Variants in ADAM29 observed in about 807,000 individuals in gnomAD.
ADAM29 encodes ADAM metallopeptidase domain 29.
For synonymous variants in ADAM29, 367 were observed against 342.3 expected (o/e 1.07, Z -0.80); for missense variants, 969 against 1,001.8 (o/e 0.97, Z 0.44).
At chr4:174,928,434 T>G (rs186769923) in intron 2 of ADAM29, among the ~76,000 whole-genome samples, 1 of 149,998 alleles carries the variant, frequency 6.7e-6, no homozygotes, top group South Asian at 2.1e-4. Context: ...TGAAGGGGGG[T>G]TTGTCTTTAG....
chr4:174,968,530 T>G (rs971418736), intron 4 of ADAM29, among the ~76,000 whole-genome samples: 5 of 152,178 alleles, frequency 3.3e-5, no homozygotes, highest in Non-Finnish European at 7.3e-5. Flanking sequence ...GTGTGCATGT[T>G]TTTTGTTTTC....
intron 4 of ADAM29, among the ~76,000 whole-genome samples, chr4:174,971,626 A>C (rs1746483050): frequency 6.6e-6 from 1 of 152,132 alleles, no homozygotes; most frequent in Non-Finnish European, 1.5e-5. Flanking sequence ...TTTATCTCAA[A>C]ATACACTTTG....
chr4:174,950,243 C>G (rs1579046624), intron 4 of ADAM29, among the ~76,000 whole-genome samples: 1 of 152,282 alleles, frequency 6.6e-6, no homozygotes, highest in Admixed American at 6.5e-5. Context: ...CAATCCCATT[C>G]TTTATAGGTA....
At chr4:174,962,120 A>G (rs1745855961) in intron 4 of ADAM29, among the ~76,000 whole-genome samples, 1 of 152,220 alleles carries the variant, frequency 6.6e-6, no homozygotes, top group African/African-American at 2.4e-5. Flanking sequence ...TAAAATTTGC[A>G]TAAACTTTTA....
chr4:174,939,740 G>A (rs973190379), intron 4 of ADAM29, among the ~76,000 whole-genome samples: 2 of 152,056 alleles, frequency 1.3e-5, no homozygotes, highest in African/African-American at 4.8e-5. Context: ...GATTTCACAA[G>A]GATGGATTAT....
chr4:174,949,419 G>C (rs1745042736), intron 4 of ADAM29, among the ~76,000 whole-genome samples: 1 of 152,190 alleles, frequency 6.6e-6, no homozygotes, highest in African/African-American at 2.4e-5. Flanking sequence ...CAGCTCAAGT[G>C]TCTGTGGGGG....
At position 174,977,605 on chromosome 4, in the gene ADAM29, C is replaced by T; in HGVS notation, c.2080C>T (p.Leu694Phe). 1 of 1,613,802 alleles carries T rather than the reference C, an allele frequency of 6.2e-7. No homozygotes were observed. Among genetic ancestry groups the T allele is most frequent in the Non-Finnish European group, 8.5e-7 (1 of 1,179,898 alleles). Reference sequence around the variant, plus strand: ...TGTTTTGTTTATTTTATTATGTTGTCTTTATCGACTTTGTAAAAAAAGTAA... The same window carrying T: ...TGTTTTGTTTATTTTATTATGTTGTTTTTATCGACTTTGTAAAAAAAGTAA... ...LIVLFILLCCLYRLCKKSKPI... is the reference protein window; with the variant it reads ...LIVLFILLCCFYRLCKKSKPI... Residue 694 changes from leucine to phenylalanine, a missense_variant, in exon 5 of 5, where the codon CTT becomes TTT. By Grantham distance (22) the Leu-to-Phe change is conservative. Transcript: ENST00000359240.
At chr4:174,967,213 AATTT>A (rs1490014128) in intron 4 of ADAM29, among the ~76,000 whole-genome samples, 3 of 152,246 alleles carry the variant, frequency 2.0e-5, no homozygotes, top group African/African-American at 7.2e-5. Context: ...TCAAACTGTT[AATTT>A]ATTTTTCTTA....
intron 2 of ADAM29, among the ~76,000 whole-genome samples, chr4:174,922,529 G>A (rs1323027037): frequency 6.6e-6 from 1 of 152,028 alleles, no homozygotes; most frequent in East Asian, 1.9e-4. Context: ...CAATCAGCAC[G>A]AGCATAAGAA....
intron 4 of ADAM29, among the ~76,000 whole-genome samples, chr4:174,955,367 C>G (rs1405889384): frequency 6.6e-6 from 1 of 151,924 alleles, no homozygotes; most frequent in Non-Finnish European, 1.5e-5. Context: ...TTAACAAAAA[C>G]AAAAACCACT....
chr4:174,975,737 A>G lies in ADAM29; in HGVS notation c.212A>G (p.Lys71Arg). 6.2e-7 allele frequency: 1 copy of G among 1,612,784 alleles called. No individual in the cohort carries two copies. The highest frequency in any genetic ancestry group is 8.5e-7 in the Non-Finnish European group (1 of 1,179,490). Reference sequence around the variant, plus strand: ...CACATTATCCACATAAAGGTCAAGAAGCTTTTGTTTTCCAAACACCTCCCT... The same window carrying G: ...CACATTATCCACATAAAGGTCAAGAGGCTTTTGTTTTCCAAACACCTCCCT... ...QKHIIHIKVK[K>R]LLFSKHLPVF... is the part of the protein sequence containing the mutation. The change falls in exon 5 of 5, where the codon AAG becomes AGG. Residue 71 changes from lysine (K) to arginine (R), a missense_variant. By Grantham distance (26) the Lys-to-Arg change is conservative (BLOSUM62 2). Coordinates refer to ENST00000359240, the MANE Select transcript of ADAM29 (RefSeq NM_014269.4).
rs536630187 is a variant in ADAM29, at chr4:174,947,910, G to A, written c.-181+10897G>A. Reference sequence around the variant, plus strand: ...TATTTTTGTCTGACAGAGCTAATTTGGAGAACTAGTCTTTGAACTCTGGGA... The same window carrying A: ...TATTTTTGTCTGACAGAGCTAATTTAGAGAACTAGTCTTTGAACTCTGGGA... On this transcript the variant is annotated intron_variant, in intron 4 of 4. Coordinates refer to ENST00000359240, the MANE Select transcript of ADAM29 (RefSeq NM_014269.4). Among the ~76,000 whole-genome samples, 3 of 152,270 alleles carry A rather than the reference G, an allele frequency of 2.0e-5. No individual in the cohort carries two copies. The East Asian group carries it at 5.8e-4, about 29-fold the overall frequency.
In ADAM29 at chr4:174,978,088, C is replaced by G. The variant is rs1346613254; in HGVS notation, c.*100C>G. The stretch of plus-strand genomic sequence containing the variant: ...CTCCCAGAGTCAACCTCATGTGACA[C>G]CTTACCGGAGTAAAAGTGGTAAACA... On this transcript the variant is annotated 3_prime_UTR_variant, in exon 5 of 5. Transcript: ENST00000359240. 6.5e-7 allele frequency: 1 copy of G among 1,542,458 alleles called. No individual in the cohort carries two copies. Among genetic ancestry groups the G allele is most frequent in the East Asian group, 2.3e-5 (1 of 44,134 alleles).
chr4:174,955,172 T>C (rs36061687), intron 4 of ADAM29, among the ~76,000 whole-genome samples: 62,856 of 151,844 alleles, frequency 0.41, 13,472 homozygotes, highest in African/African-American at 0.52. Context: ...GTTATAAACA[T>C]GAATCCAAGA....
At chr4:174,950,799 T>C (rs1174448784) in intron 4 of ADAM29, among the ~76,000 whole-genome samples, 3 of 152,186 alleles carry the variant, frequency 2.0e-5, no homozygotes, top group East Asian at 1.9e-4. Flanking sequence ...AATTACATCA[T>C]GGGGGCAGAC....
rs9998736 is a variant in ADAM29, at chr4:174,959,205, T to C, written c.-180-16141T>C. ...TGGTTTGAGAATATTACTTCTCCTT[T>C]ATTTTTGAAGAATGATTTTTGTGGA... On this transcript the variant is annotated intron_variant, in intron 4 of 4. Transcript: ENST00000359240. 2.0e-5 allele frequency among the ~76,000 whole-genome samples: 3 copies of C among 152,016 alleles called. No homozygotes were observed. The East Asian group carries it at 5.8e-4, about 29-fold the overall frequency.
chr4:174,940,753 T>A (rs13117033), intron 4 of ADAM29, among the ~76,000 whole-genome samples: 106,867 of 151,984 alleles, frequency 0.7, 39,177 homozygotes, highest in Non-Finnish European at 0.8. Context: ...TTTGACTTTA[T>A]ATGTGACATT....
chr4:174,946,271 A>G (rs999005697), intron 4 of ADAM29, among the ~76,000 whole-genome samples: 13 of 152,040 alleles, frequency 8.6e-5, no homozygotes, highest in Non-Finnish European at 1.6e-4. Context: ...TATGAATGGG[A>G]TTATGTTCTT....
At chr4:174,973,481 A>G (rs1332375092) in intron 4 of ADAM29, among the ~76,000 whole-genome samples, 1 of 152,128 alleles carries the variant, frequency 6.6e-6, no homozygotes, top group African/African-American at 2.4e-5. Context: ...AATTTGTTCA[A>G]ATTGTTGTTG....
Sources: gnomAD v4.1 joint callset for allele counts (sites outside exome capture counted in the v4.1 genomes callset) on GRCh38, gnomAD v4.1.1 for gene constraint, MANE v1.5 for transcripts, NCBI Gene and HGNC (gene_info 2026-07-23, HGNC 2026-07-21) for gene names.